The following GLMP variants were observed in gnomAD, a reference collection of about 807,000 sequenced individuals.
GLMP encodes kidney lysosomal membrane protein.
Under a neutral mutation model 39.2 loss-of-function variants are expected in GLMP, and 36 were observed. The ratio of observed to expected loss-of-function variants is 0.92; its 90% CI spans 0.70 to 1.21. GLMP has a LOEUF of 1.21. GLMP is among the 50% of genes most tolerant of loss of function. The probability of loss-of-function intolerance (pLI) is 0.00; values close to 1 mark genes in which losing one functional copy is unlikely to be tolerated. For synonymous variants in GLMP, 220 were observed against 218.9 expected, an observed-to-expected ratio of 1.01 and a Z score of -0.04; for missense variants, 454 against 505.6, an observed-to-expected ratio of 0.90 and a Z score of 0.98.
Position 156,293,058 on chromosome 1 carries a change from G to T in GLMP, c.1207C>A (p.Gln403Lys). ...GAGAGCGGGCCTTAATTTATGGACT[G>T]GTACTCTGAGTACTTCTTGTGGTGC... ...LLHHKKYSEY[Q>K]SIN The change falls in exon 6 of 6, where the codon CAG becomes AAG. Residue 403 changes from glutamine to lysine, a missense_variant. Coordinates refer to ENST00000362007, the MANE Select transcript of GLMP (RefSeq NM_144580.3). The T allele has an allele frequency of 6.2e-7, 1 of 1,614,100 alleles. No homozygotes were observed. Among genetic ancestry groups the T allele is most frequent in the Non-Finnish European group, 8.5e-7 (1 of 1,180,010 alleles).
chr1:156,295,453 A>C (rs1663568625), intron 1 of GLMP, 73 bp downstream of exon 1: 2 of 1,427,034 alleles, frequency 1.4e-6, no homozygotes, highest in Non-Finnish European at 1.8e-6. Flanking sequence ...TAGCCCCTGG[A>C]TGCCCGGTTC....
At chr1:156,295,253 G>T in intron 1 of GLMP, 1 of 1,299,812 alleles carries the variant, frequency 7.7e-7, no homozygotes, top group Non-Finnish European at 9.9e-7. Context: ...CTGGTGGGCG[G>T]GTCAGGGCAC....
In GLMP at chr1:156,293,169, A is replaced by G; in HGVS notation, c.1096T>C (p.Leu366=). 6.2e-7 allele frequency: 1 copy of G among 1,613,944 alleles called. No individual in the cohort carries two copies. Among genetic ancestry groups the G allele is most frequent in the Non-Finnish European group, 8.5e-7 (1 of 1,179,936 alleles). The change falls in exon 6 of 6, where the codon TTG becomes CTG. Residue 366 remains leucine (L), a synonymous_variant. Transcript: ENST00000362007. ...ATGATGCCCAGGACTAGTGGGGACA[A>G]GCCGTCCACTGGAGGGAAGCCCACA... ...LGVGFPPVDG[L]SPLVLGIMAV... is the part of the protein sequence containing the mutation.
intron 4 of GLMP, 35 bp from the exon 5 acceptor site, chr1:156,293,611 G>GA: frequency 6.2e-7 from 1 of 1,613,146 alleles, no homozygotes; most frequent in Non-Finnish European, 8.5e-7. Context: ...GGGTAAAGAG[G>GA]ACCAACCTGT....
chr1:156,292,737 C>T lies in GLMP; in HGVS notation c.*307G>A, dbSNP rs113301950. 4,154 of 367,790 alleles carry T rather than the reference C, an allele frequency of 0.011. 164 individuals carry two copies. Among genetic ancestry groups the T allele is most frequent in the African/African-American group, 0.08 (3,847 of 47,846 alleles). The allele number at this position is 367,790 out of a possible 1,614,324, so 22.8% of individuals were successfully genotyped here. A position where few individuals can be genotyped will look rare whatever the true frequency, so the allele number is the denominator to read the frequency against. Reference sequence around the variant, plus strand: ...TTTCTTGCCTTCCAGGGCAGCCAACCAGTCAGAATGCCTCTCATTTAGGCC... The same window carrying T: ...TTTCTTGCCTTCCAGGGCAGCCAACTAGTCAGAATGCCTCTCATTTAGGCC... On this transcript the variant is annotated 3_prime_UTR_variant, in exon 6 of 6. Transcript: ENST00000362007.
chr1:156,295,095 GGGCTT>G, intron 1 of GLMP, 79 bp from the exon 2 acceptor site: 1 of 1,225,940 alleles, frequency 8.2e-7, no homozygotes, highest in Non-Finnish European at 1.1e-6. Flanking sequence ...GAGGGGAGGG[GGGCTT>G]GGAAAGTGCT....
Position 156,293,112 on chromosome 1 carries a change from G to A in GLMP, c.1153C>T (p.Leu385=). ...AVALGAPGLM[L]LGGGLVLLLH... The stretch of plus-strand genomic sequence containing the variant: ...AGCAGAACCAAGCCGCCCCCTAGCA[G>A]CATGAGCCCTGGGGCACCCAGGGCC... The change falls in exon 6 of 6, where the codon CTG becomes TTG. Residue 385 remains leucine (L), a synonymous_variant. Transcript: ENST00000362007. The A allele has an allele frequency of 1.2e-6, 2 of 1,614,136 alleles. No homozygotes were observed. The highest frequency in any genetic ancestry group is 1.7e-6 in the Non-Finnish European group (2 of 1,180,038).
At position 156,295,606 on chromosome 1, in the gene GLMP, A is replaced by G; in HGVS notation, c.40T>C (p.Cys14Arg). The G allele has an allele frequency of 5.8e-6, 9 of 1,550,774 alleles. No homozygotes were observed. The highest frequency in any genetic ancestry group is 7.8e-6 in the Non-Finnish European group (9 of 1,147,634). ...CAAAGGAGCAGGGGGCTGGGGGCAC[A>G]GTGCCCCCAACCCCAGGTGCACTCC... ...SVECTWGWGH[C>R]APSPLLLWTL... is the part of the protein sequence containing the mutation. The change falls in exon 1 of 6, where the codon TGT becomes CGT. Residue 14 changes from cysteine (C) to arginine (R), a missense_variant. Physicochemically the swap from Cys to Arg is radical, Grantham distance 180. Coordinates refer to ENST00000362007, the MANE Select transcript of GLMP (RefSeq NM_144580.3).
Position 156,293,120 on chromosome 1 carries a change from C to G in GLMP, c.1145G>C (p.Gly382Ala), listed in dbSNP as rs760162055. The G allele has an allele frequency of 5.6e-6, 9 of 1,613,980 alleles. No homozygotes were observed. Among genetic ancestry groups the G allele is most frequent in the Non-Finnish European group, 7.6e-6 (9 of 1,180,026 alleles). The change falls in exon 6 of 6, where the codon GGG becomes GCG. Residue 382 changes from glycine to alanine, a missense_variant. By Grantham distance (60) the Gly-to-Ala change is moderately conservative. Transcript: ENST00000362007. Reference sequence around the variant, plus strand: ...CAAGCCGCCCCCTAGCAGCATGAGCCCTGGGGCACCCAGGGCCACTGCCAT... The same window carrying G: ...CAAGCCGCCCCCTAGCAGCATGAGCGCTGGGGCACCCAGGGCCACTGCCAT... ...GIMAVALGAP[G>A]LMLLGGGLVL...
chr1:156,295,030 T>C lies in GLMP; in HGVS notation c.121-14A>G, dbSNP rs1437391256. The C allele has an allele frequency of 1.3e-6, 2 of 1,515,918 alleles. No homozygotes were observed. Among genetic ancestry groups the C allele is most frequent in the South Asian group, 2.5e-5 (2 of 79,708 alleles). 93.9% of individuals were successfully genotyped at this position (1,515,918 alleles called of 1,614,324 possible). On this transcript the variant is annotated splice_polypyrimidine_tract_variant and intron_variant, in intron 1 of 5. Transcript: ENST00000362007. ...CTCCAGAGACACCTGGAACATGGAG[T>C]AGTGGAGGGTTGAGGGAACAGGACC...
In GLMP at chr1:156,293,580, G is replaced by T. The variant is rs753029984; in HGVS notation, c.799-4C>A. 4 of 1,614,072 alleles carry T rather than the reference G, an allele frequency of 2.5e-6. No individual in the cohort carries two copies. Among genetic ancestry groups the T allele is most frequent in the Non-Finnish European group, 2.5e-6 (3 of 1,179,958 alleles). On this transcript the variant is annotated splice_polypyrimidine_tract_variant and splice_region_variant and intron_variant, in intron 4 of 5. Coordinates refer to ENST00000362007, the MANE Select transcript of GLMP (RefSeq NM_144580.3). The stretch of plus-strand genomic sequence containing the variant: ...AGCCCCACAGTAGCTGGTCCAACTG[G>T]GAAGAAAGGCAAACAAGGGAGGGTA...
rs1462427634 is a variant in GLMP at position 156,292,894 on chromosome 1, C to T, written c.*150G>A. On this transcript the variant is annotated 3_prime_UTR_variant, in exon 6 of 6. Transcript: ENST00000362007. The stretch of plus-strand genomic sequence containing the variant: ...TATGAAGGAAGCCCCACCTGGGGGT[C>T]TCCAGGAAGTCGAGGCTGGCCTCTG... 1.0e-5 allele frequency: 11 copies of T among 1,050,436 alleles called. No homozygotes were observed. The highest frequency in any genetic ancestry group is 1.5e-5 in the Non-Finnish European group (11 of 729,326). 65.1% of individuals were successfully genotyped at this position (1,050,436 alleles called of 1,614,324 possible). A position where few individuals can be genotyped will look rare whatever the true frequency, so the allele number is the denominator to read the frequency against.
At position 156,293,920 on chromosome 1, in the gene GLMP, A is replaced by G. The variant is rs1663478193; in HGVS notation, c.798+98T>C. ...TGCCTAGCTCTTAAACGACCCAAAGAAAGTGTTGCTAAATGGCAAATGGTT... is the reference window on the plus strand; with the variant it reads ...TGCCTAGCTCTTAAACGACCCAAAGGAAGTGTTGCTAAATGGCAAATGGTT... On this transcript the variant is annotated intron_variant, in intron 4 of 5. Transcript: ENST00000362007. 4 of 1,425,698 alleles carry G rather than the reference A, an allele frequency of 2.8e-6. No homozygotes were observed. The South Asian group carries it at 3.5e-5, about 12-fold the overall frequency. The allele number at this position is 1,425,698 out of a possible 1,614,324, so 88.3% of individuals were successfully genotyped here. A position where few individuals can be genotyped will look rare whatever the true frequency, so the allele number is the denominator to read the frequency against.
chr1:156,293,806 C>T, intron 4 of GLMP: 1 of 1,313,842 alleles, frequency 7.6e-7, no homozygotes, highest in Non-Finnish European at 1.1e-6. Flanking sequence ...AGCCCCCTTG[C>T]AGATCTCCAT....
At chr1:156,294,297 C>G in intron 3 of GLMP, 61 bp from the exon 4 acceptor site, 1 of 1,601,358 alleles carries the variant, frequency 6.2e-7, no homozygotes, top group Non-Finnish European at 8.5e-7. Flanking sequence ...TTAAGGGCCA[C>G]CTCCATCATT....
rs868701929 is a variant in GLMP at position 156,293,140 on chromosome 1, T to G, written c.1125A>C (p.Ala375=). 6.2e-7 allele frequency: 1 copy of G among 1,614,046 alleles called. No homozygotes were observed. Among genetic ancestry groups the G allele is most frequent in the African/African-American group, 1.3e-5 (1 of 75,020 alleles). The change falls in exon 6 of 6, where the codon GCA becomes GCC. Residue 375 remains alanine, a synonymous_variant. Coordinates refer to ENST00000362007, the MANE Select transcript of GLMP (RefSeq NM_144580.3). ...TGAGCCCTGGGGCACCCAGGGCCAC[T>G]GCCATGATGCCCAGGACTAGTGGGG... ...GLSPLVLGIM[A]VALGAPGLML...
rs767677309 is a variant in GLMP at position 156,294,513 on chromosome 1, C to T, written c.431G>A (p.Gly144Glu). ...NVSDTAAKPLGRPYPPYSLAD... is the reference protein window; with the variant it reads ...NVSDTAAKPLERPYPPYSLAD... ...CAAGGAGTATGGAGGATATGGTCTT[C>T]CCAAAGGCTTTGCTGCCGTATCGGA... The change falls in exon 3 of 6, where the codon GGA (glycine) becomes GAA (glutamate). Residue 144 changes from glycine (G) to glutamate (E), a missense_variant. By Grantham distance (98) the Gly-to-Glu change is moderately conservative. Coordinates refer to ENST00000362007, the MANE Select transcript of GLMP (RefSeq NM_144580.3). The T allele has an allele frequency of 6.2e-7, 1 of 1,614,062 alleles. No homozygotes were observed. The highest frequency in any genetic ancestry group is 1.7e-5 in the Admixed American group (1 of 60,008).
At position 156,293,594 on chromosome 1, in the gene GLMP, CAAGG is replaced by C. The variant is rs1663456487; in HGVS notation, c.799-22_799-19del. On this transcript the variant is annotated intron_variant, in intron 4 of 5. Coordinates refer to ENST00000362007, the MANE Select transcript of GLMP (RefSeq NM_144580.3). ...TGGTCCAACTGGGAAGAAAGGCAAA[CAAGG>C]GAGGGTAAAGAGGACCAACCTGTGC... The C allele has an allele frequency of 1.9e-6, 3 of 1,613,770 alleles. No homozygotes were observed. Among genetic ancestry groups the C allele is most frequent in the East Asian group, 2.2e-5 (1 of 44,882 alleles).
rs931414610 is a variant in GLMP, at chr1:156,293,026, C to T, written c.*18G>A. Reference sequence around the variant, plus strand: ...GCAAGACAGGTTCAGTAATGTCCTTCCCTCCAGAGAGCGGGCCTTAATTTA... The same window carrying T: ...GCAAGACAGGTTCAGTAATGTCCTTTCCTCCAGAGAGCGGGCCTTAATTTA... On this transcript the variant is annotated 3_prime_UTR_variant, in exon 6 of 6. Transcript: ENST00000362007. 6.8e-6 allele frequency: 11 copies of T among 1,613,258 alleles called. No homozygotes were observed. Among genetic ancestry groups the T allele is most frequent in the Non-Finnish European group, 9.3e-6 (11 of 1,179,578 alleles).
Sources: allele counts gnomAD v4.1 joint callset, GRCh38; gene constraint gnomAD v4.1.1; transcripts MANE v1.5; gene names NCBI Gene and HGNC (gene_info 2026-07-23, HGNC 2026-07-21).